The following ROBO2 variants were observed in gnomAD, a reference collection of about 807,000 sequenced individuals.
ROBO2 encodes the protein roundabout guidance receptor 2.
A neutral mutation model predicts 160.8 loss-of-function variants in ROBO2; 53 were observed. That is an observed-to-expected ratio of 0.33 (90% CI 0.26 to 0.41). ROBO2 has a LOEUF of 0.41. ROBO2 is among the 10% of genes least tolerant of loss of function. The pLI is 1.00. For synonymous variants in ROBO2, 664 were observed against 611.7 expected, an observed-to-expected ratio of 1.09 and a Z score of -1.26; for missense variants, 1,577 against 1,722.4, an observed-to-expected ratio of 0.92 and a Z score of 1.49.
rs1041204275 is a variant in ROBO2, at chr3:77,031,351, A to C, written c.110-66663A>C. Among the ~76,000 whole-genome samples, 14 of 151,454 alleles carry C rather than the reference A, an allele frequency of 9.2e-5. 2 individuals carry two copies. The South Asian group carries it at 2.9e-3, about 32-fold the overall frequency. ...GGAAGATGGTTCTTGGGGCAAAAAA[A>C]CACACTTTTCTCTTTTTTCATATAA... On this transcript the variant is annotated intron_variant, in intron 2 of 26. Transcript: ENST00000487694.
chr3:75,965,662 ATT>A (rs1949084348), intron 2 of ROBO2, among the ~76,000 whole-genome samples: 2 of 47,320 alleles, frequency 4.2e-5, no homozygotes. Context: ...TTTTATATAT[ATT>A]GTATATTTGT....
intron 2 of ROBO2, among the ~76,000 whole-genome samples, chr3:77,012,592 T>C (rs1486952924): frequency 6.6e-6 from 1 of 152,166 alleles, no homozygotes; most frequent in Non-Finnish European, 1.5e-5. Flanking sequence ...GTAAGTTACA[T>C]GGATGGATAG....
At chr3:76,855,432 T>C (rs2069948356) in intron 2 of ROBO2, among the ~76,000 whole-genome samples, 1 of 152,224 alleles carries the variant, frequency 6.6e-6, no homozygotes, top group African/African-American at 2.4e-5. Context: ...GTGCCGCTAA[T>C]GGATACTGAG....
intron 2 of ROBO2, among the ~76,000 whole-genome samples, chr3:75,964,662 G>A (rs969279802): frequency 4.6e-5 from 7 of 151,288 alleles, no homozygotes; most frequent in Admixed American, 1.3e-4. Context: ...TTTTACCAAG[G>A]AAGAAAGATA....
At chr3:77,092,417 T>G (rs1448721495) in intron 1 of ROBO2, among the ~76,000 whole-genome samples, 1 of 151,828 alleles carries the variant, frequency 6.6e-6, no homozygotes, top group Non-Finnish European at 1.5e-5. Flanking sequence ...ATCTATTCAA[T>G]TATGGACAAT....
intron 2 of ROBO2, among the ~76,000 whole-genome samples, chr3:76,243,193 C>G (rs1009106100): frequency 6.6e-6 from 1 of 152,132 alleles, no homozygotes; most frequent in Non-Finnish European, 1.5e-5. Context: ...TATCCTCTCG[C>G]GGCCCCTTTA....
At chr3:76,130,077 C>T (rs961353792) in intron 2 of ROBO2, among the ~76,000 whole-genome samples, 7 of 151,916 alleles carry the variant, frequency 4.6e-5, no homozygotes, top group Non-Finnish European at 8.8e-5. Flanking sequence ...AAATAAAAGT[C>T]GGATCTTATC....
At chr3:77,244,769 T>A (rs549586834) in intron 2 of ROBO2, among the ~76,000 whole-genome samples, 1 of 151,198 alleles carries the variant, frequency 6.6e-6, no homozygotes, top group Non-Finnish European at 1.5e-5. Flanking sequence ...TCCCAGCTAC[T>A]CGGGAGGCTG....
chr3:77,356,976 C>T lies in ROBO2; in HGVS notation c.389-120438C>T, dbSNP rs146004746. Among the ~76,000 whole-genome samples, 182 of 152,094 alleles carry T rather than the reference C, an allele frequency of 1.2e-3. 2 individuals carry two copies. The East Asian group carries it at 0.031, about 26-fold the overall frequency. ...CATGAGGAAATATATTAAATATTGCCTAAAATAGGGGAAGGAAGAAGTGTT... is the reference window on the plus strand; with the variant it reads ...CATGAGGAAATATATTAAATATTGCTTAAAATAGGGGAAGGAAGAAGTGTT... On this transcript the variant is annotated intron_variant, in intron 2 of 25. Transcript: ENST00000461745.
chr3:76,021,886 A>G (rs2066585132), intron 2 of ROBO2, among the ~76,000 whole-genome samples: 1 of 150,486 alleles, frequency 6.6e-6, no homozygotes, highest in Non-Finnish European at 1.5e-5. Flanking sequence ...AGTTTGCCAC[A>G]TTGGTTGACT....
At chr3:76,831,952 C>T (rs2067132573) in intron 2 of ROBO2, among the ~76,000 whole-genome samples, 2 of 152,142 alleles carry the variant, frequency 1.3e-5, no homozygotes, top group Admixed American at 1.3e-4. Context: ...AGAGTACTTA[C>T]TTCTTTAATC....
At chr3:76,663,542 T>A (rs149922885) in intron 2 of ROBO2, among the ~76,000 whole-genome samples, 1 of 152,166 alleles carries the variant, frequency 6.6e-6, no homozygotes, top group East Asian at 1.9e-4. Context: ...TTACCTGGAG[T>A]AGCTAGGAAT....
intron 2 of ROBO2, among the ~76,000 whole-genome samples, chr3:77,426,678 C>CAGGAAGGA (rs142467400): frequency 2.4e-3 from 290 of 119,962 alleles, no homozygotes; most frequent in African/African-American, 2.9e-3. Flanking sequence ...ATCATTTGGT[C>CAGGAAGGA]AGGAAGGAAG....
intron 5 of ROBO2, among the ~76,000 whole-genome samples, chr3:77,500,568 A>G (rs1237931039): frequency 6.6e-6 from 1 of 152,232 alleles, no homozygotes; most frequent in African/African-American, 2.4e-5. Flanking sequence ...TAATTTTTAG[A>G]CCAACTTCGT....
At chr3:76,888,409 T>C (rs186946834) in intron 2 of ROBO2, among the ~76,000 whole-genome samples, 1 of 151,414 alleles carries the variant, frequency 6.6e-6, no homozygotes, top group Non-Finnish European at 1.5e-5. Context: ...TAAGTGTTGA[T>C]GGTGAACATC....
At chr3:77,208,350 T>C (rs1288271126) in intron 2 of ROBO2, among the ~76,000 whole-genome samples, 2 of 152,222 alleles carry the variant, frequency 1.3e-5, no homozygotes, top group African/African-American at 4.8e-5. Flanking sequence ...TTAGGCTCTA[T>C]GTTACATAGA....
chr3:76,624,883 A>C (rs2089514344), intron 2 of ROBO2, among the ~76,000 whole-genome samples: 1 of 150,456 alleles, frequency 6.6e-6, no homozygotes, highest in Non-Finnish European at 1.5e-5. Flanking sequence ...ATTTTGAAAA[A>C]TACTTGTCTA....
intron 2 of ROBO2, among the ~76,000 whole-genome samples, chr3:76,498,682 GCTT>G (rs1207030114): frequency 7.9e-6 from 1 of 127,136 alleles, no homozygotes; most frequent in Non-Finnish European, 1.7e-5. Flanking sequence ...TAGTTTGTCT[GCTT>G]TTTTTTTTTT....
At chr3:76,141,974 C>T (rs778310768) in intron 2 of ROBO2, among the ~76,000 whole-genome samples, 25 of 152,028 alleles carry the variant, frequency 1.6e-4, no homozygotes, top group Middle Eastern at 3.4e-3. Flanking sequence ...AGAAGGTCAA[C>T]AGTTTTAAGC....
Sources: allele counts gnomAD v4.1 joint callset (sites outside exome capture counted in the v4.1 genomes callset), GRCh38; gene constraint gnomAD v4.1.1; transcripts MANE v1.5; gene names NCBI Gene and HGNC (gene_info 2026-07-23, HGNC 2026-07-21).